ADGRB3: variants seen among roughly 807,000 people sequenced by gnomAD.
ADGRB3 encodes the protein adhesion G protein-coupled receptor B3.
A neutral mutation model predicts 193.4 loss-of-function variants in ADGRB3; 37 were observed. The observed-to-expected ratio is 0.19, with a 90% CI of 0.15 to 0.25. The LOEUF is 0.25. Among genes scored for constraint, ADGRB3 ranks in the 10% least tolerant of loss-of-function variants. ADGRB3 has a pLI of 1.00. For missense variants in ADGRB3, 1,637 were observed against 1,852.9 expected (o/e 0.88, Z 2.14); for synonymous variants, 690 against 644.2 (o/e 1.07, Z -1.08).
At chr6:69,203,432 T>C (rs747980446) in intron 17 of ADGRB3, among the ~76,000 whole-genome samples, 27 of 151,514 alleles carry the variant, frequency 1.8e-4, no homozygotes, top group Non-Finnish European at 3.5e-4. Flanking sequence ...TTCTTTCTAT[T>C]AGTCTCTCCA....
rs376946911 is a variant in ADGRB3 at position 69,372,397 on chromosome 6, A to G, written c.4240-9A>G. On this transcript the variant is annotated splice_polypyrimidine_tract_variant and intron_variant, in intron 29 of 31. Transcript: ENST00000370598. ...TTTTTCTCCTTCTTTTTAAAAATAT[A>G]TCTTACAGAGAAGAAAATCACGATA... The G allele has an allele frequency of 3.5e-5, 47 of 1,353,806 alleles. 1 individual carries two copies. The highest frequency in any genetic ancestry group is 4.6e-5 in the Non-Finnish European group (45 of 987,780). 83.9% of individuals were successfully genotyped at this position (1,353,806 alleles called of 1,614,324 possible).
chr6:69,338,773 T>C, intron 24 of ADGRB3, 143 bp from the exon 25 acceptor site: 1 of 703,588 alleles, frequency 1.4e-6, no homozygotes, highest in South Asian at 1.8e-5. Flanking sequence ...TAAATGCATC[T>C]TTACAACAAC....
chr6:69,173,317 C>T (rs1775337395), intron 17 of ADGRB3, among the ~76,000 whole-genome samples: 1 of 152,240 alleles, frequency 6.6e-6, no homozygotes, highest in Admixed American at 6.5e-5. Flanking sequence ...GTATTACAGG[C>T]GTGAGCCACG....
intron 3 of ADGRB3, among the ~76,000 whole-genome samples, chr6:68,742,948 AT>A (rs1459048109): frequency 6.6e-6 from 1 of 151,696 alleles, no homozygotes; most frequent in Admixed American, 6.6e-5. Flanking sequence ...TTAAGCAACT[AT>A]TTTTTCACCC....
intron 12 of ADGRB3, among the ~76,000 whole-genome samples, chr6:69,018,112 C>T (rs1040517363): frequency 7.2e-5 from 11 of 151,770 alleles, no homozygotes; most frequent in African/African-American, 2.4e-4. Context: ...AAAGAAAAGT[C>T]GTCTATTTTT....
At chr6:69,157,353 G>A (rs990991253) in intron 17 of ADGRB3, among the ~76,000 whole-genome samples, 3 of 152,182 alleles carry the variant, frequency 2.0e-5, no homozygotes, top group Non-Finnish European at 4.4e-5. Context: ...GTACCTACTG[G>A]AGCACTTGTG....
At chr6:68,936,471 T>C in intron 4 of ADGRB3, 48 bp from the exon 5 acceptor site, 1 of 1,567,106 alleles carries the variant, frequency 6.4e-7, no homozygotes, top group East Asian at 2.3e-5. Context: ...GCTTACTAGA[T>C]GAATACTTAA....
chr6:69,375,775 T>A (rs1200125835), intron 30 of ADGRB3, among the ~76,000 whole-genome samples: 1 of 151,992 alleles, frequency 6.6e-6, no homozygotes, highest in Non-Finnish European at 1.5e-5. Flanking sequence ...AAACCCCATC[T>A]CTACTGAAAA....
chr6:69,182,013 G>A (rs148685539), intron 17 of ADGRB3, among the ~76,000 whole-genome samples: 14 of 152,154 alleles, frequency 9.2e-5, no homozygotes, highest in African/African-American at 2.9e-4. Context: ...GTTGTTCATC[G>A]CAAAAATTGG....
intron 3 of ADGRB3, among the ~76,000 whole-genome samples, chr6:68,810,426 T>C (rs993511565): frequency 2.0e-5 from 3 of 152,184 alleles, no homozygotes; most frequent in African/African-American, 7.2e-5. Flanking sequence ...AAGTAGGTGC[T>C]TTTCAAAATA....
intron 5 of ADGRB3, among the ~76,000 whole-genome samples, chr6:68,940,808 C>G (rs1238999495): frequency 6.6e-6 from 1 of 152,026 alleles, no homozygotes; most frequent in Non-Finnish European, 1.5e-5. Flanking sequence ...ACGAGAATCA[C>G]TTGAACCTGA....
intron 20 of ADGRB3, among the ~76,000 whole-genome samples, chr6:69,265,221 A>G (rs1471093440): frequency 6.6e-6 from 1 of 152,026 alleles, no homozygotes; most frequent in Non-Finnish European, 1.5e-5. Context: ...GAACCAGAGT[A>G]GTAAAAATTG....
chr6:69,049,508 T>C (rs1008732493), intron 15 of ADGRB3, among the ~76,000 whole-genome samples, 162 bp downstream of exon 15: 4 of 152,192 alleles, frequency 2.6e-5, no homozygotes, highest in Non-Finnish European at 4.4e-5. Flanking sequence ...TTAGCAATTA[T>C]GCATTTCAAA....
chr6:69,023,137 C>G (rs1395999125), intron 13 of ADGRB3, among the ~76,000 whole-genome samples: 4 of 151,866 alleles, frequency 2.6e-5, no homozygotes, highest in African/African-American at 9.7e-5. Flanking sequence ...TATGTTCAAG[C>G]AAAAACAAAA....
At chr6:69,382,736 A>G (rs1455640844) in intron 30 of ADGRB3, 95 bp from the exon 31 acceptor site, 13 of 828,282 alleles carry the variant, frequency 1.6e-5, no homozygotes, top group African/African-American at 3.6e-5. Flanking sequence ...GCCAAACTTG[A>G]TTACCCTTAT....
At chr6:68,655,235 C>T (rs545634542) in intron 3 of ADGRB3, among the ~76,000 whole-genome samples, 2 of 151,520 alleles carry the variant, frequency 1.3e-5, no homozygotes, top group East Asian at 3.9e-4. Context: ...GGTTCCAGTC[C>T]CAATTTCCAG....
intron 17 of ADGRB3, among the ~76,000 whole-genome samples, chr6:69,090,014 T>G (rs1451855552): frequency 1.3e-5 from 2 of 152,222 alleles, no homozygotes; most frequent in Non-Finnish European, 2.9e-5. Flanking sequence ...AAGTACTGTG[T>G]GCATTTTTGT....
chr6:69,150,139 A>G (rs1774631530), intron 17 of ADGRB3, among the ~76,000 whole-genome samples: 1 of 151,896 alleles, frequency 6.6e-6, no homozygotes, highest in African/African-American at 2.4e-5. Context: ...AGGCTGTAGG[A>G]CTCTACAATA....
intron 16 of ADGRB3, among the ~76,000 whole-genome samples, chr6:69,072,086 T>G (rs769801878): frequency 2.0e-5 from 3 of 152,186 alleles, no homozygotes; most frequent in African/African-American, 4.8e-5. Flanking sequence ...ATTCTTATTA[T>G]TTAAGTGACT....
Sources: gnomAD v4.1 joint callset for allele counts (sites outside exome capture counted in the v4.1 genomes callset) on GRCh38, gnomAD v4.1.1 for gene constraint, MANE v1.5 for transcripts, NCBI Gene and HGNC (gene_info 2026-07-23, HGNC 2026-07-21) for gene names.